Variants in EFCAB10 observed in about 807,000 individuals in gnomAD.
EFCAB10 encodes EF-hand calcium binding domain 10.
In EFCAB10, 7 loss-of-function variants were observed where a neutral mutation model predicts 7.7. The observed-to-expected ratio is 0.91, with a 90% CI of 0.52 to 1.72. The LOEUF is 1.72. Among genes scored for constraint, EFCAB10 ranks in the 40% most tolerant of loss-of-function variants. The pLI is 0.00. For synonymous variants in EFCAB10, 52 were observed against 21.0 expected (o/e 2.47, Z -4.03); for missense variants, 112 against 61.5 (o/e 1.82, Z -2.74).
At chr7:105,575,420 T>C (rs948216670) in intron 1 of EFCAB10, among the ~76,000 whole-genome samples, 1 of 152,128 alleles carries the variant, frequency 6.6e-6, no homozygotes, top group Non-Finnish European at 1.5e-5. Context: ...CTGATTCTCT[T>C]GCCTCAGCCT....
chr7:105,578,172 A>G (rs761204792), intron 1 of EFCAB10, among the ~76,000 whole-genome samples: 4 of 152,230 alleles, frequency 2.6e-5, no homozygotes, highest in Non-Finnish European at 4.4e-5. Flanking sequence ...TTGTCCTGGC[A>G]TAATTATTAA....
chr7:105,574,245 GTATATA>G (rs58936582), intron 1 of EFCAB10, among the ~76,000 whole-genome samples: 5 of 143,744 alleles, frequency 3.5e-5, no homozygotes, highest in African/African-American at 1.0e-4. Context: ...CATATATACA[GTATATA>G]TATATATATA....
At chr7:105,581,254 C>G (rs765328052) in intron 1 of EFCAB10, 104 bp downstream of exon 1, 13 of 651,544 alleles carry the variant, frequency 2.0e-5, no homozygotes, top group Non-Finnish European at 3.4e-5. Context: ...GAAGGGCTCA[C>G]GTGGCTGGGA....
At chr7:105,577,164 A>ATTTTGGT (rs1792101617) in intron 1 of EFCAB10, among the ~76,000 whole-genome samples, 1 of 152,198 alleles carries the variant, frequency 6.6e-6, no homozygotes, top group Admixed American at 6.5e-5. Flanking sequence ...CTTCCACCAA[A>ATTTTGGT]GAGAATTTTG....
intron 1 of EFCAB10, among the ~76,000 whole-genome samples, chr7:105,581,115 G>A (rs1340424432): frequency 6.6e-6 from 1 of 152,186 alleles, no homozygotes; most frequent in African/African-American, 2.4e-5. Context: ...AGCCACTCAG[G>A]AGGCTGAGGC....
intron 1 of EFCAB10, among the ~76,000 whole-genome samples, chr7:105,569,961 G>A (rs1194818817): frequency 6.6e-6 from 1 of 151,726 alleles, no homozygotes; most frequent in East Asian, 1.9e-4. Flanking sequence ...GGTGGTTCAT[G>A]CCTGTAATCT....
At chr7:105,565,689 T>G in intron 4 of EFCAB10, 1 of 1,338,988 alleles carries the variant, frequency 7.5e-7, no homozygotes, top group Non-Finnish European at 1.1e-6. Flanking sequence ...TGTATCAAAT[T>G]GTTACAGGAG....
At chr7:105,567,018 G>C (rs1238059454) in intron 4 of EFCAB10, 1 of 597,808 alleles carries the variant, frequency 1.7e-6, no homozygotes, top group East Asian at 3.0e-5. Context: ...GAGAACATGT[G>C]GACCAGCAGT....
Position 105,569,436 on chromosome 7 carries a change from C to A in EFCAB10, c.242G>T (p.Gly81Val). The change falls in exon 2 of 5, where the codon GGC becomes GTC. Residue 81 changes from glycine to valine, a missense_variant. Transcript: ENST00000480514. ...TTTATACTGCACAAATGATATGGTGCCTCTGCCTGAGGAGTCCATCATCTC... is the reference window on the plus strand; with the variant it reads ...TTTATACTGCACAAATGATATGGTGACTCTGCCTGAGGAGTCCATCATCTC... Reference protein sequence around the residue: ...MFEMMDSSGRGTISFVQYKEA... With the variant: ...MFEMMDSSGRVTISFVQYKEA... The A allele has an allele frequency of 1.4e-6, 1 of 702,704 alleles. No individual in the cohort carries two copies. The allele number at this position is 702,704 out of a possible 1,614,324, so 43.5% of individuals were successfully genotyped here.
chr7:105,577,227 C>T (rs1792103258), intron 1 of EFCAB10, among the ~76,000 whole-genome samples: 1 of 152,092 alleles, frequency 6.6e-6, no homozygotes, highest in East Asian at 1.9e-4. Context: ...CTGGAAAATT[C>T]TGGTTTTGCC....
intron 1 of EFCAB10, among the ~76,000 whole-genome samples, chr7:105,575,228 G>A (rs1480453458): frequency 6.6e-6 from 1 of 152,016 alleles, no homozygotes; most frequent in Admixed American, 6.6e-5. Context: ...CAGGTCCCTT[G>A]CACAATGTGT....
chr7:105,565,502 C>A (rs2133479362), intron 4 of EFCAB10, 55 bp from the exon 5 acceptor site: 6 of 1,610,222 alleles, frequency 3.7e-6, no homozygotes, highest in Non-Finnish European at 5.1e-6. Flanking sequence ...ATAAAGACAA[C>A]TGTTATATGA....
chr7:105,576,197 G>A (rs1350075622), intron 1 of EFCAB10, among the ~76,000 whole-genome samples: 1 of 152,092 alleles, frequency 6.6e-6, no homozygotes, highest in Non-Finnish European at 1.5e-5. Context: ...AGGACAAAAC[G>A]ACTTCAAAGA....
chr7:105,568,423 TA>T (rs1338771110), intron 3 of EFCAB10, among the ~76,000 whole-genome samples: 12 of 152,358 alleles, frequency 7.9e-5, no homozygotes, highest in Middle Eastern at 3.4e-3. Context: ...TTTAATCCTG[TA>T]ATATCTCAAA....
At position 105,570,268 on chromosome 7, in the gene EFCAB10, T is replaced by TACACAC. The variant is rs1554369774; in HGVS notation, c.107-703_107-698dup. On this transcript the variant is annotated intron_variant, in intron 1 of 4. Transcript: ENST00000480514. ...ATATATATATATATATATATATATA[T>TACACAC]ACACACACACACACATACATATACA... Among the ~76,000 whole-genome samples, 69 of 66,382 alleles carry TACACAC rather than the reference T, an allele frequency of 1.0e-3. 2 individuals carry two copies. The highest frequency in any genetic ancestry group is 6.7e-3 in the East Asian group (18 of 2,706). The allele number at this position is 66,382 out of a possible 152,430, so 43.5% of individuals were successfully genotyped here.
rs974799105 is a variant in EFCAB10, at chr7:105,565,161, AT to A, written c.*285del. ...TAGAGCTTTTAATGTTAGGCTGTATATTTTTTCTTATCCAAAATGCCCTAGG... is the reference window on the plus strand; with the variant it reads ...TAGAGCTTTTAATGTTAGGCTGTATATTTTTCTTATCCAAAATGCCCTAGG... On this transcript the variant is annotated 3_prime_UTR_variant, in exon 5 of 5. Coordinates refer to ENST00000480514, the MANE Select transcript of EFCAB10 (RefSeq NM_001355526.2). 3 of 763,310 alleles carry A rather than the reference AT, an allele frequency of 3.9e-6. No individual in the cohort carries two copies. The African/African-American group carries it at 5.2e-5, about 13-fold the overall frequency. The allele number at this position is 763,310 out of a possible 1,614,324, so 47.3% of individuals were successfully genotyped here. A position where few individuals can be genotyped will look rare whatever the true frequency, so the allele number is the denominator to read the frequency against.
At chr7:105,568,801 A>G (rs1173210960) in intron 3 of EFCAB10, among the ~76,000 whole-genome samples, 1 of 152,214 alleles carries the variant, frequency 6.6e-6, no homozygotes, top group Non-Finnish European at 1.5e-5. Flanking sequence ...ATACAAAAAA[A>G]TTATCTGGAT....
chr7:105,578,021 C>T (rs1324306441), intron 1 of EFCAB10, among the ~76,000 whole-genome samples: 1 of 152,202 alleles, frequency 6.6e-6, no homozygotes, highest in African/African-American at 2.4e-5. Context: ...ACCTTGGCCT[C>T]CCAAAGTGCT....
rs570614519 is a variant in EFCAB10 at position 105,581,062 on chromosome 7, A to G, written c.106+296T>C. ...TGACGAAACCCTGTCGCTACTAAAA[A>G]TACAAAAATTAGCCATGCATGGTGG... On this transcript the variant is annotated intron_variant, in intron 1 of 4. Coordinates refer to ENST00000480514, the MANE Select transcript of EFCAB10 (RefSeq NM_001355526.2). 8.5e-5 allele frequency among the ~76,000 whole-genome samples: 13 copies of G among 152,318 alleles called. No individual in the cohort carries two copies. The East Asian group carries it at 2.5e-3, about 29-fold the overall frequency.
Sources: allele counts gnomAD v4.1 joint callset (sites outside exome capture counted in the v4.1 genomes callset), GRCh38; gene constraint gnomAD v4.1.1; transcripts MANE v1.5; gene names NCBI Gene and HGNC (gene_info 2026-07-23, HGNC 2026-07-21).